LINC00632: variants seen among roughly 807,000 people sequenced by gnomAD.
The protein encoded by LINC00632 is long independently transcribed non-coding RNA 632.
chrX:140,748,880 A>AAT (rs3084213), intron 3 of LINC00632, among the ~76,000 whole-genome samples: 4 of 103,676 alleles, frequency 3.9e-5, no homozygotes, highest in Admixed American at 1.1e-4. Flanking sequence ...TGTATATAAA[A>AAT]ATATATAAAA....
At chrX:140,752,136 A>AAAG (rs1447516760) in intron 3 of LINC00632, among the ~76,000 whole-genome samples, 33 of 111,716 alleles carry the variant, frequency 3.0e-4, no homozygotes, top group African/African-American at 1.0e-3. Flanking sequence ...TGGGCTGTTT[A>AAAG]AAGCCCATCC....
intron 2 of LINC00632, among the ~76,000 whole-genome samples, chrX:140,725,518 G>A (rs1930945605): frequency 1.2e-5 from 1 of 84,789 alleles, no homozygotes; most frequent in African/African-American, 4.3e-5. Flanking sequence ...GCATACGCAG[G>A]TATGTCCCCA....
chrX:140,742,873 G>GGA (rs1225891914), intron 3 of LINC00632, among the ~76,000 whole-genome samples: 153 of 94,957 alleles, frequency 1.6e-3, no homozygotes, highest in African/African-American at 6.4e-3. Flanking sequence ...GAGAGAGAGA[G>GGA]AGAGAGGAAG....
At chrX:140,728,570 C>T (rs1931005351) in intron 2 of LINC00632, among the ~76,000 whole-genome samples, 1 of 110,803 alleles carries the variant, frequency 9.0e-6, no homozygotes, top group African/African-American at 3.3e-5. Context: ...CAGCCTCACC[C>T]CACGAGGTAC....
At chrX:140,740,153 C>G (rs1434275743) in intron 3 of LINC00632, among the ~76,000 whole-genome samples, 1 of 111,439 alleles carries the variant, frequency 9.0e-6, no homozygotes, top group African/African-American at 3.3e-5. Context: ...CAGATCTCTC[C>G]AGACTGAAAA....
intron 2 of LINC00632, among the ~76,000 whole-genome samples, chrX:140,726,553 C>T (rs1352725201): frequency 8.9e-6 from 1 of 111,785 alleles, no homozygotes; most frequent in Non-Finnish European, 1.9e-5. Flanking sequence ...CACTTGTCAC[C>T]CAATGGCCAG....
chrX:140,713,498 T>G (rs1434549994), intron 2 of LINC00632: 1 of 336,807 alleles, frequency 3.0e-6, no homozygotes, highest in Non-Finnish European at 5.9e-6. Context: ...ATGTAAGTGT[T>G]GTCTATTATT....
intron 3 of LINC00632, chrX:140,764,623 AGACGAGAC>A (rs1931654728): frequency 8.9e-6 from 1 of 112,283 alleles, no homozygotes; most frequent in African/African-American, 3.2e-5. Context: ...CACACTGCAA[AGACGAGAC>A]GAGTCCTCCC....
At chrX:140,763,362 C>A (rs1349105812) in intron 3 of LINC00632, among the ~76,000 whole-genome samples, 3 of 100,877 alleles carry the variant, frequency 3.0e-5, no homozygotes, top group African/African-American at 1.1e-4. Flanking sequence ...GAGATTGTGC[C>A]ACTGCACTCC....
At chrX:140,783,599 T>C (rs756280468) in exon 5 of LINC00632, 1 of 1,206,743 alleles carries the variant, frequency 8.3e-7, no homozygotes, top group South Asian at 1.8e-5. Flanking sequence ...AGTCAATCAG[T>C]GTCTTCCAGA....
intron 3 of LINC00632, among the ~76,000 whole-genome samples, chrX:140,735,063 C>T (rs1007079349): frequency 1.8e-5 from 2 of 111,206 alleles, no homozygotes; most frequent in Non-Finnish European, 3.8e-5. Context: ...CCCTGTCTGG[C>T]CAAAAATACA....
chrX:140,772,548 G>T (rs1275974480), exon 4 of LINC00632: 1 of 283,088 alleles, frequency 3.5e-6, no homozygotes, highest in East Asian at 5.0e-5. Context: ...AAGAGGGCAA[G>T]AAAGTTTATG....
chrX:140,712,377 AC>A (rs1313696409), intron 2 of LINC00632: 10 of 100,341 alleles, frequency 1.0e-4, no homozygotes, highest in African/African-American at 3.6e-5. Context: ...AAAAAAAAAT[AC>A]CCCCGGGGTT....
intron 2 of LINC00632, among the ~76,000 whole-genome samples, chrX:140,718,996 A>G (rs757554864): frequency 3.6e-5 from 4 of 111,952 alleles, no homozygotes; most frequent in African/African-American, 1.3e-4. Flanking sequence ...GACTTCTCCA[A>G]TATGCAGAAC....
chrX:140,766,919 A>G (rs1931701137), intron 3 of LINC00632, among the ~76,000 whole-genome samples: 1 of 84,451 alleles, frequency 1.2e-5, no homozygotes, highest in African/African-American at 3.6e-5. Flanking sequence ...AGAAACTTAG[A>G]CTCACATTTT....
intron 3 of LINC00632, among the ~76,000 whole-genome samples, chrX:140,750,586 ATAAGT>A (rs2148392816): frequency 9.0e-6 from 1 of 111,389 alleles, no homozygotes; most frequent in African/African-American, 3.3e-5. Context: ...TCAACTAAAA[ATAAGT>A]TAATTTTTAA....
At chrX:140,762,749 T>C (rs933940400) in intron 3 of LINC00632, among the ~76,000 whole-genome samples, 2 of 112,438 alleles carry the variant, frequency 1.8e-5, no homozygotes, top group Non-Finnish European at 3.7e-5. Flanking sequence ...CGTTTATTTA[T>C]GGACACCGAA....
chrX:140,753,371 C>T (rs1232918299), intron 3 of LINC00632, among the ~76,000 whole-genome samples: 2 of 111,842 alleles, frequency 1.8e-5, no homozygotes, highest in African/African-American at 6.5e-5. Flanking sequence ...CTTCGTGAAA[C>T]ATCTTCGCCT....
At chrX:140,763,402 C>CA (rs139059108) in intron 3 of LINC00632, among the ~76,000 whole-genome samples, 1,785 of 73,595 alleles carry the variant, frequency 0.024, 23 homozygotes, top group Non-Finnish European at 0.027. Context: ...GACTCTGTCT[C>CA]AAAAAAAAAA....
Sources: allele counts gnomAD v4.1 joint callset (sites outside exome capture counted in the v4.1 genomes callset), GRCh38; gene constraint gnomAD v4.1.1; transcripts MANE v1.5; gene names NCBI Gene and HGNC (gene_info 2026-07-23, HGNC 2026-07-21).